The following ZMAT4 variants were observed in gnomAD, a reference collection of about 807,000 sequenced individuals.
ZMAT4 encodes the protein zinc finger matrin-type 4.
In ZMAT4, 17 loss-of-function variants were observed where a neutral mutation model predicts 28.7. That is an observed-to-expected ratio of 0.59 (90% CI 0.41 to 0.89). The LOEUF (loss-of-function observed/expected upper bound fraction) is 0.89, where lower values mean the gene tolerates loss of function less well. ZMAT4 is among the 40% of genes least tolerant of loss of function. The probability of loss-of-function intolerance (pLI) is 0.00; values close to 1 mark genes in which losing one functional copy is unlikely to be tolerated. For missense variants in ZMAT4, 240 were observed against 283.8 expected, an observed-to-expected ratio of 0.85 and a Z score of 1.11; for synonymous variants, 117 against 109.2, an observed-to-expected ratio of 1.07 and a Z score of -0.44.
At chr8:40,881,538 GAAAGAAAGAAAGAAAGAAAGAA>G (rs1193524726) in intron 1 of ZMAT4, among the ~76,000 whole-genome samples, 3 of 70,300 alleles carry the variant, frequency 4.3e-5, no homozygotes, top group African/African-American at 6.2e-5. Flanking sequence ...CAGAAAGAAA[GAAAGAAAGAAAGAAAGAAAGAA>G]AGAAAGAAAG....
At chr8:40,830,001 G>A (rs1348022690) in intron 1 of ZMAT4, among the ~76,000 whole-genome samples, 1 of 152,086 alleles carries the variant, frequency 6.6e-6, no homozygotes, top group Non-Finnish European at 1.5e-5. Flanking sequence ...AAAGAGGCTG[G>A]GGGAGAAGAG....
chr8:40,880,243 C>G (rs1818174564), intron 1 of ZMAT4, among the ~76,000 whole-genome samples: 1 of 151,582 alleles, frequency 6.6e-6, no homozygotes, highest in Non-Finnish European at 1.5e-5. Context: ...GTGGCACATG[C>G]CTGTAATCCC....
At chr8:40,855,098 T>G (rs1039488448) in intron 1 of ZMAT4, among the ~76,000 whole-genome samples, 4 of 152,150 alleles carry the variant, frequency 2.6e-5, no homozygotes. Context: ...ATTCACGGGT[T>G]TTTGCAATCC....
chr8:40,846,880 AAC>A (rs1410551206), intron 1 of ZMAT4, among the ~76,000 whole-genome samples: 4 of 152,156 alleles, frequency 2.6e-5, no homozygotes, highest in Admixed American at 6.5e-5. Flanking sequence ...ATGGCTTTTA[AAC>A]ACACACACCC....
chr8:40,637,093 T>A (rs2589869), intron 5 of ZMAT4, among the ~76,000 whole-genome samples: 103,130 of 149,264 alleles, frequency 0.69, 35,733 homozygotes, highest in East Asian at 0.74. Flanking sequence ...AAATAGATTT[T>A]AAAAAAAAAA....
intron 5 of ZMAT4, among the ~76,000 whole-genome samples, chr8:40,667,457 T>A (rs1194480107): frequency 1.3e-5 from 2 of 152,064 alleles, no homozygotes; most frequent in African/African-American, 4.8e-5. Flanking sequence ...CCCGGCCCTG[T>A]CCTGCAATAA....
intron 6 of ZMAT4, among the ~76,000 whole-genome samples, chr8:40,580,353 A>G (rs934125662): frequency 6.6e-6 from 1 of 152,196 alleles, no homozygotes; most frequent in Middle Eastern, 3.4e-3. Flanking sequence ...GGAGTATGAG[A>G]CATAGTGGGC....
At position 40,778,441 on chromosome 8, in the gene ZMAT4, A is replaced by G. The variant is rs186061361; in HGVS notation, c.103-10711T>C. ...CCCCACCCTTGAGTCAGTTTTTTGCACAGAAAATTACTCAGTGGAAGTGGG... is the reference window on the plus strand; with the variant it reads ...CCCCACCCTTGAGTCAGTTTTTTGCGCAGAAAATTACTCAGTGGAAGTGGG... On this transcript the variant is annotated intron_variant, in intron 2 of 6. Transcript: ENST00000297737. Among the ~76,000 whole-genome samples, 244 of 152,292 alleles carry G rather than the reference A, an allele frequency of 1.6e-3. 1 individual carries two copies. Among genetic ancestry groups the G allele is most frequent in the African/African-American group, 5.1e-3 (213 of 41,564 alleles).
At chr8:40,537,733 A>T (rs1802891915) in intron 6 of ZMAT4, among the ~76,000 whole-genome samples, 1 of 152,208 alleles carries the variant, frequency 6.6e-6, no homozygotes, top group South Asian at 2.1e-4. Flanking sequence ...TAGAGCCAGA[A>T]GGGATCCCAG....
chr8:40,871,395 A>G (rs957977260), intron 1 of ZMAT4, among the ~76,000 whole-genome samples: 64 of 152,288 alleles, frequency 4.2e-4, no homozygotes, highest in African/African-American at 1.3e-3. Context: ...TCTCAAGTCC[A>G]AAGGGATGTG....
At chr8:40,735,233 T>TA (rs1354739778) in intron 3 of ZMAT4, among the ~76,000 whole-genome samples, 1 of 152,248 alleles carries the variant, frequency 6.6e-6, no homozygotes, top group Non-Finnish European at 1.5e-5. Context: ...AGACATGAGA[T>TA]ACCCATTACT....
chr8:40,617,346 C>G (rs547548129), intron 5 of ZMAT4, among the ~76,000 whole-genome samples: 1 of 152,298 alleles, frequency 6.6e-6, no homozygotes, highest in South Asian at 2.1e-4. Context: ...ATCAGTGCCC[C>G]AAGGCTAGGG....
chr8:40,575,638 A>T (rs1176798084), intron 6 of ZMAT4, among the ~76,000 whole-genome samples: 1 of 132,050 alleles, frequency 7.6e-6, no homozygotes, highest in Admixed American at 7.1e-5. Flanking sequence ...TTCTACTGAG[A>T]CTCTGGGATC....
chr8:40,699,565 C>A (rs1016195650), intron 3 of ZMAT4, among the ~76,000 whole-genome samples: 1 of 149,068 alleles, frequency 6.7e-6, no homozygotes, highest in African/African-American at 2.5e-5. Context: ...AAGTGTCCAT[C>A]AATAGACGAT....
chr8:40,792,492 G>A (rs147461508), intron 2 of ZMAT4, among the ~76,000 whole-genome samples: 155 of 12,402 alleles, frequency 0.012, 1 homozygote, highest in East Asian at 0.058. Context: ...AGGAAGGAAG[G>A]AAGGAAGGAA....
intron 6 of ZMAT4, among the ~76,000 whole-genome samples, chr8:40,565,814 T>G (rs1803904792): frequency 6.6e-6 from 1 of 151,176 alleles, no homozygotes; most frequent in Non-Finnish European, 1.5e-5. Flanking sequence ...CAGTGATAAC[T>G]TGGGCTTGGA....
intron 1 of ZMAT4, among the ~76,000 whole-genome samples, chr8:40,847,202 T>TAAAAA (rs199603252): frequency 3.2e-4 from 28 of 86,446 alleles, no homozygotes; most frequent in Non-Finnish European, 4.2e-4. Context: ...AGATTCCATC[T>TAAAAA]AAAAAAACAA....
intron 1 of ZMAT4, among the ~76,000 whole-genome samples, chr8:40,840,607 C>T (rs1734413003): frequency 6.6e-6 from 1 of 152,180 alleles, no homozygotes; most frequent in Admixed American, 6.5e-5. Flanking sequence ...CTCCGTTAGT[C>T]AGAGAGCAGA....
At chr8:40,538,938 A>C (rs962685476) in intron 6 of ZMAT4, among the ~76,000 whole-genome samples, 2 of 152,042 alleles carry the variant, frequency 1.3e-5, no homozygotes, top group African/African-American at 4.8e-5. Context: ...GGCACCCGCC[A>C]CCACACCTGG....
Sources: gnomAD v4.1 joint callset for allele counts (sites outside exome capture counted in the v4.1 genomes callset) on GRCh38, gnomAD v4.1.1 for gene constraint, MANE v1.5 for transcripts, NCBI Gene and HGNC (gene_info 2026-07-23, HGNC 2026-07-21) for gene names.